The following TASOR variants were observed in gnomAD, a reference collection of about 807,000 sequenced individuals.
TASOR encodes transcription activation suppressor, also known as protein TASOR.
Under a neutral mutation model 178.6 loss-of-function variants are expected in TASOR, and 53 were observed. The ratio of observed to expected loss-of-function variants is 0.30; its 90% CI spans 0.24 to 0.37. The LOEUF is 0.37. Among genes scored for constraint, TASOR ranks in the 10% least tolerant of loss-of-function variants. The pLI is 1.00. For synonymous variants in TASOR, 713 were observed against 696.2 expected (o/e 1.02, Z -0.38); for missense variants, 1,815 against 1,971.4 (o/e 0.92, Z 1.50).
At chr3:56,677,142 C>G (rs1478262034) in intron 1 of TASOR, among the ~76,000 whole-genome samples, 3 of 152,158 alleles carry the variant, frequency 2.0e-5, no homozygotes, top group African/African-American at 7.2e-5. Flanking sequence ...TATTTTATGT[C>G]CTCAGAGGTC....
intron 1 of TASOR, among the ~76,000 whole-genome samples, chr3:56,682,434 C>G (rs528051672): frequency 6.6e-6 from 1 of 152,082 alleles, no homozygotes; most frequent in African/African-American, 2.4e-5. Context: ...GCCTTACGGA[C>G]AAGCTTCAAA....
At chr3:56,667,652 G>A (rs755220377) in intron 6 of TASOR, among the ~76,000 whole-genome samples, 3 of 152,116 alleles carry the variant, frequency 2.0e-5, no homozygotes, top group Non-Finnish European at 2.9e-5. Flanking sequence ...GCGAGACTCC[G>A]TCTCAAAACA....
At chr3:56,669,838 T>C in intron 4 of TASOR, 47 bp from the exon 5 acceptor site, 1 of 1,310,182 alleles carries the variant, frequency 7.6e-7, no homozygotes, top group South Asian at 1.4e-5. Flanking sequence ...TTTTTCAAAA[T>C]CACTAGGACT....
chr3:56,641,274 C>A, intron 15 of TASOR, 75 bp downstream of exon 15: 1 of 1,398,942 alleles, frequency 7.1e-7, no homozygotes, highest in Non-Finnish European at 9.6e-7. Flanking sequence ...AAAATCATTC[C>A]CTGAAGCATA....
intron 18 of TASOR, 80 bp from the exon 19 acceptor site, chr3:56,628,694 C>T (rs2076846471): frequency 1.1e-6 from 1 of 952,126 alleles, no homozygotes. Context: ...GCAAGATAAA[C>T]TGATAAGCTT....
intron 8 of TASOR, among the ~76,000 whole-genome samples, chr3:56,662,905 A>T (rs2077628202): frequency 6.6e-6 from 1 of 152,206 alleles, no homozygotes; most frequent in South Asian, 2.1e-4. Flanking sequence ...TAGGCTGGGC[A>T]TGGTGGCTCA....
chr3:56,633,723 C>T lies in TASOR; in HGVS notation c.3068G>A (p.Gly1023Glu). The T allele has an allele frequency of 6.2e-7, 1 of 1,614,156 alleles. No homozygotes were observed. Among genetic ancestry groups the T allele is most frequent in the Non-Finnish European group, 8.5e-7 (1 of 1,180,044 alleles). Reference sequence around the variant, plus strand: ...CTTCCTAGAAAAGAGATTGTACTCTCCTAACACTGTCCTCTCTGTGGTTTC... The same window carrying T: ...CTTCCTAGAAAAGAGATTGTACTCTTCTAACACTGTCCTCTCTGTGGTTTC... ...VSETTERTVL[G>E]EYNLFSRKIE... is the part of the protein sequence containing the mutation. Residue 1023 changes from glycine (G) to glutamate (E), a missense_variant, in exon 18 of 24, where the codon GGA (glycine) becomes GAA (glutamate). Physicochemically the swap from Gly to Glu is moderately conservative, Grantham distance 98. This residue lies in a region of TASOR where 655 missense variants were observed against 671.1 expected (regional missense o/e 0.98). Coordinates refer to ENST00000683822, the MANE Select transcript of TASOR (RefSeq NM_001365635.2).
rs367668511 is a variant in TASOR at position 56,633,296 on chromosome 3, T to C, written c.3495A>G (p.Gln1165=). The part of the protein sequence containing the change: ...ALTEVEMNQP[Q]HATELMVTSD... ...AAGTCACCATTAACTCTGTGGCATG[T>C]TGAGGCTGGTTCATTTCTACTTCAG... Residue 1165 remains glutamine (Q), a synonymous_variant, in exon 18 of 24, where the codon CAA becomes CAG. Transcript: ENST00000683822. 24 of 1,614,082 alleles carry C rather than the reference T, an allele frequency of 1.5e-5. No homozygotes were observed. Among genetic ancestry groups the C allele is most frequent in the Non-Finnish European group, 1.9e-5 (23 of 1,180,034 alleles).
At chr3:56,663,258 C>CT (rs963348691) in intron 8 of TASOR, among the ~76,000 whole-genome samples, 50 of 152,242 alleles carry the variant, frequency 3.3e-4, no homozygotes, top group African/African-American at 1.1e-3. Context: ...ATTCTAAGTC[C>CT]TACACCTCTG....
At chr3:56,679,917 T>C (rs1032794245) in intron 1 of TASOR, among the ~76,000 whole-genome samples, 1 of 152,184 alleles carries the variant, frequency 6.6e-6, no homozygotes, top group Non-Finnish European at 1.5e-5. Flanking sequence ...GTAAAATGTA[T>C]ACCTTTCCAG....
intron 13 of TASOR, 43 bp downstream of exon 13, chr3:56,648,779 A>T: frequency 7.3e-7 from 1 of 1,373,836 alleles, no homozygotes; most frequent in Non-Finnish European, 1.0e-6. Flanking sequence ...ATGAAATGTT[A>T]AGTATCTATA....
chr3:56,653,398 C>T (rs1280769621), intron 11 of TASOR, among the ~76,000 whole-genome samples: 1 of 148,472 alleles, frequency 6.7e-6, no homozygotes, highest in Non-Finnish European at 1.5e-5. Context: ...ATATACCAAG[C>T]TGGATAAATA....
chr3:56,664,338 G>A (rs1001939678), intron 7 of TASOR: 3 of 152,190 alleles, frequency 2.0e-5, no homozygotes, highest in Non-Finnish European at 2.9e-5. Flanking sequence ...CATTATTCCT[G>A]GGGGCATGAC....
chr3:56,653,690 T>TAA (rs112504202), intron 11 of TASOR, among the ~76,000 whole-genome samples: 26,245 of 151,768 alleles, frequency 0.17, 2,902 homozygotes, highest in South Asian at 0.41. Context: ...CAGTAGATCT[T>TAA]AGTCTCAACA....
chr3:56,647,529 T>C (rs1463219763), intron 13 of TASOR, among the ~76,000 whole-genome samples: 1 of 152,154 alleles, frequency 6.6e-6, no homozygotes, highest in Non-Finnish European at 1.5e-5. Flanking sequence ...GAAATTCAAA[T>C]AGTGGCAAGC....
At position 56,666,275 on chromosome 3, in the gene TASOR, A is replaced by G; in HGVS notation, c.1007T>C (p.Phe336Ser). The G allele has an allele frequency of 6.5e-7, 1 of 1,540,494 alleles. No individual in the cohort carries two copies. The highest frequency in any genetic ancestry group is 1.2e-5 in the South Asian group (1 of 80,406). Reference protein sequence around the residue: ...TYKDDIQTPKFVPSSRSNSFN... With the variant: ...TYKDDIQTPKSVPSSRSNSFN... Reference sequence around the variant, plus strand: ...TAAGTCTTACCTTGATGAAGGTACAAACTTCGGAGTTTGTATATCATCTTT... The same window carrying G: ...TAAGTCTTACCTTGATGAAGGTACAGACTTCGGAGTTTGTATATCATCTTT... Residue 336 changes from phenylalanine (F) to serine (S), a missense_variant, in exon 7 of 24, where the codon TTT (phenylalanine) becomes TCT (serine). Around this residue, in one of 5 missense-constraint regions of TASOR, gnomAD observed 504 missense variants for 645.3 expected, o/e 0.78. Coordinates refer to ENST00000683822, the MANE Select transcript of TASOR (RefSeq NM_001365635.2).
intron 11 of TASOR, among the ~76,000 whole-genome samples, chr3:56,656,602 C>CA (rs79335954): frequency 4.5e-4 from 68 of 150,790 alleles, no homozygotes; most frequent in African/African-American, 1.5e-3. Flanking sequence ...CGCCCCCCCC[C>CA]AAAAAAAGAA....
intron 18 of TASOR, 198 bp from the exon 19 acceptor site, chr3:56,628,812 G>GT: frequency 2.6e-6 from 1 of 385,572 alleles, no homozygotes; most frequent in Non-Finnish European, 4.6e-6. Context: ...CCAGGCTGGA[G>GT]TATAGCAGCA....
chr3:56,663,689 C>T (rs559645710), intron 7 of TASOR, 117 bp from the exon 8 acceptor site: 1 of 1,099,948 alleles, frequency 9.1e-7, no homozygotes, highest in African/African-American at 1.6e-5. Flanking sequence ...GTCCTTCCTC[C>T]AGGTAGGAAG....
Sources: gnomAD v4.1 joint callset for allele counts (sites outside exome capture counted in the v4.1 genomes callset) on GRCh38, gnomAD v4.1.1 for gene constraint, gnomAD v4.1.1 regional missense constraint, MANE v1.5 for transcripts, NCBI Gene and HGNC (gene_info 2026-07-23, HGNC 2026-07-21) for gene names.